The following PRKCE variants were observed in gnomAD, a reference collection of about 807,000 sequenced individuals.
The protein encoded by PRKCE is protein kinase C epsilon type.
A neutral mutation model predicts 85.4 loss-of-function variants in PRKCE; 16 were observed. That is an observed-to-expected ratio of 0.19 (90% CI 0.13 to 0.28). The LOEUF (loss-of-function observed/expected upper bound fraction) is 0.28, where lower values mean the gene tolerates loss of function less well. Among genes scored for constraint, PRKCE ranks in the 10% least tolerant of loss-of-function variants. The pLI is 1.00. For synonymous variants in PRKCE, 388 were observed against 371.5 expected, an observed-to-expected ratio of 1.04 and a Z score of -0.51; for missense variants, 573 against 975.2, an observed-to-expected ratio of 0.59 and a Z score of 5.49.
chr2:45,800,487 A>G (rs2105177527), intron 1 of PRKCE, among the ~76,000 whole-genome samples: 1 of 152,326 alleles, frequency 6.6e-6, no homozygotes. Flanking sequence ...GGGCAGTTTT[A>G]GTCAGCAGTT....
chr2:46,098,317 T>G (rs1209028447), intron 11 of PRKCE, among the ~76,000 whole-genome samples: 3 of 151,328 alleles, frequency 2.0e-5, no homozygotes, highest in African/African-American at 7.3e-5. Context: ...ATGGGGTTAT[T>G]ACTCCCCCCC....
At chr2:45,912,667 G>A (rs1199005684) in intron 2 of PRKCE, among the ~76,000 whole-genome samples, 4 of 152,112 alleles carry the variant, frequency 2.6e-5, no homozygotes, top group Admixed American at 6.5e-5. Context: ...ACTTAGGAAC[G>A]CACCTTAGAA....
At chr2:45,663,896 T>TA (rs1011512830) in intron 1 of PRKCE, among the ~76,000 whole-genome samples, 1 of 152,074 alleles carries the variant, frequency 6.6e-6, no homozygotes, top group Non-Finnish European at 1.5e-5. Context: ...ATTGCCCGAT[T>TA]AAAAAAACAA....
intron 12 of PRKCE, among the ~76,000 whole-genome samples, chr2:46,148,475 A>G (rs1375021163): frequency 2.0e-5 from 3 of 152,166 alleles, no homozygotes; most frequent in Non-Finnish European, 4.4e-5. Context: ...CACACAAGCC[A>G]CCTTCTCCCC....
chr2:45,684,854 G>A (rs1164459024), intron 1 of PRKCE, among the ~76,000 whole-genome samples: 2 of 152,188 alleles, frequency 1.3e-5, no homozygotes, highest in Non-Finnish European at 2.9e-5. Context: ...TTTGTAATTT[G>A]CAAATAGGAT....
Position 45,941,194 on chromosome 2 carries a change from TGAA to T in PRKCE, c.413-35230_413-35228del, listed in dbSNP as rs1424436972. On this transcript the variant is annotated intron_variant, in intron 2 of 14. Coordinates refer to ENST00000306156, the MANE Select transcript of PRKCE (RefSeq NM_005400.3). ...CAATACAGTAGCCTAGTTAATCCCT[TGAA>T]GAAGCACTCATGTGGCCACTTGCTC... is the stretch of plus-strand genomic sequence containing the variant. Among the ~76,000 whole-genome samples the T allele has an allele frequency of 1.3e-4, 20 of 152,060 alleles. No individual in the cohort carries two copies. In the East Asian group the frequency reaches 3.9e-3, roughly 29 times the overall value.
chr2:45,847,649 C>T (rs763659617), intron 2 of PRKCE, among the ~76,000 whole-genome samples: 10 of 152,162 alleles, frequency 6.6e-5, no homozygotes, highest in Non-Finnish European at 1.3e-4. Context: ...CCTGCTGGGT[C>T]CAGACCCCAG....
intron 10 of PRKCE, among the ~76,000 whole-genome samples, chr2:46,022,639 G>T (rs1011108539): frequency 1.3e-5 from 2 of 152,216 alleles, no homozygotes; most frequent in Non-Finnish European, 2.9e-5. Flanking sequence ...TTACATCAGG[G>T]TTCCAAACTC....
At position 46,177,604 on chromosome 2, in the gene PRKCE, C is replaced by G. The variant is rs376097600; in HGVS notation, c.2068-7131C>G. 1.1e-3 allele frequency among the ~76,000 whole-genome samples: 171 copies of G among 152,278 alleles called. 2 individuals are homozygous for G. Among genetic ancestry groups the G allele is most frequent in the African/African-American group, 4.0e-3 (167 of 41,542 alleles). On this transcript the variant is annotated intron_variant, in intron 14 of 14. Transcript: ENST00000306156. ...TCCAATTTCCCCTCTTATAAGGACA[C>G]CAGTCATATTGGATCAGGGCCCACT...
intron 2 of PRKCE, among the ~76,000 whole-genome samples, chr2:45,967,369 TG>T (rs928644314): frequency 3.8e-4 from 58 of 152,206 alleles, no homozygotes; most frequent in Admixed American, 1.3e-4. Flanking sequence ...CTATCAATTT[TG>T]GGGGCCATCC....
intron 1 of PRKCE, among the ~76,000 whole-genome samples, chr2:45,655,463 C>T (rs758690571): frequency 5.9e-5 from 9 of 151,930 alleles, no homozygotes; most frequent in Non-Finnish European, 1.0e-4. Flanking sequence ...AGTTGGACAC[C>T]CTGATGTAGA....
intron 1 of PRKCE, among the ~76,000 whole-genome samples, chr2:45,828,760 A>G (rs190215770): frequency 2.6e-5 from 4 of 152,184 alleles, no homozygotes; most frequent in African/African-American, 9.7e-5. Flanking sequence ...ATGTTCTTAA[A>G]GCAAAAAATT....
Position 45,941,065 on chromosome 2 carries a change from T to TAAAAAAAAAAAAAAAAAAAAAAAA in PRKCE, c.413-35342_413-35341insAAAAAAAAAAAAAAAAAAAAAAAA, listed in dbSNP as rs397781944. ...TGGGTGACAGAGTGAGACTTCATCC[T>TAAAAAAAAAAAAAAAAAAAAAAAA]AAAAAAAAAAAAAAAAAAAAAAGAT... On this transcript the variant is annotated intron_variant, in intron 2 of 14. Coordinates refer to ENST00000306156, the MANE Select transcript of PRKCE (RefSeq NM_005400.3). Among the ~76,000 whole-genome samples the TAAAAAAAAAAAAAAAAAAAAAAAA allele has an allele frequency of 2.5e-3, 170 of 67,110 alleles. 3 individuals carry two copies. The highest frequency in any genetic ancestry group is 3.6e-3 in the Admixed American group (15 of 4,110). The allele number at this position is 67,110 out of a possible 152,430, so 44.0% of individuals were successfully genotyped here. A position where few individuals can be genotyped will look rare whatever the true frequency, so the allele number is the denominator to read the frequency against.
At chr2:46,111,795 G>A (rs1422854568) in intron 11 of PRKCE, among the ~76,000 whole-genome samples, 1 of 152,186 alleles carries the variant, frequency 6.6e-6, no homozygotes, top group Non-Finnish European at 1.5e-5. Flanking sequence ...TTTTTGAGAA[G>A]ACTGATGTCT....
At position 46,144,999 on chromosome 2, in the gene PRKCE, G is replaced by C. The variant is rs186452260; in HGVS notation, c.1593-94G>C. The C allele has an allele frequency of 8.2e-5, 126 of 1,540,606 alleles. No homozygotes were observed. The Middle Eastern group carries it at 3.3e-3, about 40-fold the overall frequency. Reference sequence around the variant, plus strand: ...AGCTTCTTTCAGGACTTTTTTGCTGGAGATTTCCCTAAGATAGGCACATAC... The same window carrying C: ...AGCTTCTTTCAGGACTTTTTTGCTGCAGATTTCCCTAAGATAGGCACATAC... On this transcript the variant is annotated intron_variant, in intron 11 of 14. Coordinates refer to ENST00000306156, the MANE Select transcript of PRKCE (RefSeq NM_005400.3).
chr2:45,796,650 G>A (rs1687462361), intron 1 of PRKCE, among the ~76,000 whole-genome samples: 1 of 152,154 alleles, frequency 6.6e-6, no homozygotes, highest in Non-Finnish European at 1.5e-5. Flanking sequence ...TACCTGGGGG[G>A]ATGAAATGAG....
chr2:45,947,799 A>C (rs1382496261), intron 2 of PRKCE, among the ~76,000 whole-genome samples: 1 of 152,226 alleles, frequency 6.6e-6, no homozygotes, highest in African/African-American at 2.4e-5. Context: ...GTAGAATTAA[A>C]ACGTTTCTTT....
chr2:45,920,183 G>T (rs865981889), intron 2 of PRKCE, among the ~76,000 whole-genome samples: 38 of 152,214 alleles, frequency 2.5e-4, no homozygotes, highest in African/African-American at 8.9e-4. Context: ...TTTGATAAGA[G>T]AAAAATGTAT....
chr2:45,925,170 A>G (rs1174032929), intron 2 of PRKCE, among the ~76,000 whole-genome samples: 1 of 152,196 alleles, frequency 6.6e-6, no homozygotes, highest in East Asian at 1.9e-4. Context: ...GAGGATGTCC[A>G]GTTTCTCATT....
Sources: allele counts gnomAD v4.1 joint callset (sites outside exome capture counted in the v4.1 genomes callset), GRCh38; gene constraint gnomAD v4.1.1; transcripts MANE v1.5; gene names NCBI Gene and HGNC (gene_info 2026-07-23, HGNC 2026-07-21).